Variants in SRGAP3 observed in about 807,000 individuals in gnomAD.
The protein encoded by SRGAP3 is SLIT-ROBO Rho GTPase activating protein 3.
Under a neutral mutation model 121.1 loss-of-function variants are expected in SRGAP3, and 39 were observed. The observed-to-expected ratio is 0.32, with a 90% CI of 0.25 to 0.42. The LOEUF (loss-of-function observed/expected upper bound fraction) is 0.42, where lower values mean the gene tolerates loss of function less well. Ranked by LOEUF, SRGAP3 falls within the 10% of genes least tolerant of loss-of-function variation. SRGAP3 has a pLI of 1.00. For synonymous variants in SRGAP3, 601 were observed against 570.0 expected (o/e 1.05, Z -0.77); for missense variants, 1,213 against 1,470.6 (o/e 0.82, Z 2.86).
At position 9,359,299 on chromosome 3, in the gene SRGAP3, T is replaced by C. The variant is rs189119335; in HGVS notation, n.214+3541A>G. 1.1e-3 allele frequency among the ~76,000 whole-genome samples: 163 copies of C among 152,324 alleles called. 1 individual carries two copies. Among genetic ancestry groups the C allele is most frequent in the Admixed American group, 2.6e-3 (40 of 15,292 alleles). On this transcript the variant is annotated intron_variant and non_coding_transcript_variant, in intron 1 of 3. Coordinates refer to the SRGAP3 transcript ENST00000490889. Reference sequence around the variant, plus strand: ...GCAACTGTTCTCCTTGGAGGGTCCATACTATCTTTATGTAGATAGGGAAAA... The same window carrying C: ...GCAACTGTTCTCCTTGGAGGGTCCACACTATCTTTATGTAGATAGGGAAAA...
chr3:9,011,040 AG>A (rs1252920391), intron 17 of SRGAP3, among the ~76,000 whole-genome samples: 6 of 58,096 alleles, frequency 1.0e-4, no homozygotes, highest in Non-Finnish European at 2.4e-4. Context: ...ATAATCAGCC[AG>A]TTTTTTTTTT....
intron 9 of SRGAP3, chr3:9,049,251 A>G: frequency 1.1e-5 from 4 of 378,744 alleles, no homozygotes; most frequent in Non-Finnish European, 2.1e-5. Flanking sequence ...GTCACCTCAC[A>G]CTGGCCCACC....
At chr3:9,231,201 G>C (rs550167899) in intron 1 of SRGAP3, among the ~76,000 whole-genome samples, 2 of 152,338 alleles carry the variant, frequency 1.3e-5, no homozygotes, top group East Asian at 3.9e-4. Context: ...CTCAGAGAAG[G>C]CTTCTTCCAC....
At chr3:8,989,147 C>CA (rs1452255466) in intron 21 of SRGAP3, among the ~76,000 whole-genome samples, 1 of 152,266 alleles carries the variant, frequency 6.6e-6, no homozygotes, top group Non-Finnish European at 1.5e-5. Context: ...CTTTTAGAAA[C>CA]AGTTTTCTAG....
At chr3:9,336,047 C>CT (rs35710527) in intron 1 of SRGAP3, among the ~76,000 whole-genome samples, 12,556 of 152,190 alleles carry the variant, frequency 0.083, 684 homozygotes, top group Admixed American at 0.16. Flanking sequence ...AATAAACTCA[C>CT]TTTTTTCTCT....
chr3:9,061,431 C>T (rs1946166018), intron 5 of SRGAP3, among the ~76,000 whole-genome samples: 1 of 152,150 alleles, frequency 6.6e-6, no homozygotes, highest in South Asian at 2.1e-4. Context: ...GGCCCTCAAA[C>T]TCATGGTTCC....
chr3:9,155,089 G>T (rs1000149576), intron 1 of SRGAP3, among the ~76,000 whole-genome samples: 1 of 151,624 alleles, frequency 6.6e-6, no homozygotes, highest in Non-Finnish European at 1.5e-5. Context: ...CTTTCAGCAG[G>T]CCTCGGTGTG....
In SRGAP3 at chr3:9,282,046, A is replaced by T. The variant is rs555004479; in HGVS notation, n.442+43964T>A. 5.9e-5 allele frequency among the ~76,000 whole-genome samples: 9 copies of T among 152,310 alleles called. No individual in the cohort carries two copies. In the East Asian group the frequency reaches 1.7e-3, roughly 29 times the overall value. On this transcript the variant is annotated intron_variant and non_coding_transcript_variant, in intron 3 of 3. Coordinates refer to the SRGAP3 transcript ENST00000490889. ...GGAATTCAACTTTACCTTAATCCAT[A>T]ATCCTACCTCTTTCCAAACCCTGTC...
At chr3:9,059,505 T>A (rs1484981119) in intron 6 of SRGAP3, 1 of 153,496 alleles carries the variant, frequency 6.5e-6, no homozygotes, top group East Asian at 1.9e-4. Context: ...CCATCGACCA[T>A]ACCAAGCCTT....
chr3:9,012,527 G>A (rs1312436108), intron 17 of SRGAP3, among the ~76,000 whole-genome samples: 1 of 152,186 alleles, frequency 6.6e-6, no homozygotes, highest in Non-Finnish European at 1.5e-5. Context: ...AAGACCTAGT[G>A]TAGTACCAGG....
intron 1 of SRGAP3, among the ~76,000 whole-genome samples, chr3:9,125,736 C>A (rs1949199191): frequency 6.6e-6 from 1 of 152,222 alleles, no homozygotes; most frequent in Non-Finnish European, 1.5e-5. Flanking sequence ...GCCACTGCCC[C>A]CAGGCATAGA....
intron 1 of SRGAP3, among the ~76,000 whole-genome samples, chr3:9,148,187 A>G (rs1176981712): frequency 2.0e-5 from 3 of 152,168 alleles, no homozygotes; most frequent in Non-Finnish European, 4.4e-5. Flanking sequence ...AGGAGGATAA[A>G]GGGATGAGGG....
chr3:9,059,259 G>C (rs1341633809), intron 6 of SRGAP3: 13 of 152,248 alleles, frequency 8.5e-5, no homozygotes, highest in Admixed American at 8.5e-4. Flanking sequence ...CCAACCCACT[G>C]CTCCTGCTCC....
At chr3:9,003,500 AAAC>A (rs1942883327) in intron 18 of SRGAP3, among the ~76,000 whole-genome samples, 1 of 151,944 alleles carries the variant, frequency 6.6e-6, no homozygotes. Flanking sequence ...ACAAACAAAC[AAAC>A]AAAAAAATCA....
At chr3:9,220,305 T>C (rs1376200401) in intron 1 of SRGAP3, among the ~76,000 whole-genome samples, 1 of 85,840 alleles carries the variant, frequency 1.2e-5, no homozygotes. Context: ...CCCATAAACA[T>C]GTGCAATTAT....
At chr3:9,123,395 AC>A (rs1292581655) in intron 2 of SRGAP3, among the ~76,000 whole-genome samples, 2,781 of 7,734 alleles carry the variant, frequency 0.36, 91 homozygotes, top group African/African-American at 0.41. Context: ...ATATACATAC[AC>A]AATACACATA....
At chr3:9,220,595 A>G (rs959835829) in intron 1 of SRGAP3, among the ~76,000 whole-genome samples, 3 of 152,334 alleles carry the variant, frequency 2.0e-5, no homozygotes, top group South Asian at 2.1e-4. Context: ...TTTGATCATT[A>G]TATCTCCAAA....
At chr3:9,251,178 C>G (rs886469147), upstream of SRGAP3, among the ~76,000 whole-genome samples, 4 of 152,174 alleles carry the variant, frequency 2.6e-5, no homozygotes, top group Non-Finnish European at 5.9e-5. Flanking sequence ...CTGGAGCACA[C>G]AGCATGAGCT....
In SRGAP3 at chr3:8,983,558, G is replaced by A; in HGVS notation, c.*1961C>T. On this transcript the variant is annotated 3_prime_UTR_variant, in exon 22 of 22. Transcript: ENST00000383836. ...AGGAGAGGGCACCACTTCATCCAAT[G>A]GGCTGAAATGTTAATGATGGAATCC... 4.3e-6 allele frequency: 1 copy of A among 230,694 alleles called. No individual in the cohort carries two copies. Among genetic ancestry groups the A allele is most frequent in the Non-Finnish European group, 8.6e-6 (1 of 116,600 alleles). The allele number at this position is 230,694 out of a possible 1,614,324, so 14.3% of individuals were successfully genotyped here.
Sources: allele counts gnomAD v4.1 joint callset (sites outside exome capture counted in the v4.1 genomes callset), GRCh38; gene constraint gnomAD v4.1.1; transcripts MANE v1.5; gene names NCBI Gene and HGNC (gene_info 2026-07-23, HGNC 2026-07-21).